Variants in CALN1 observed in about 807,000 individuals in gnomAD.
The protein encoded by CALN1 is calneuron 1.
Under a neutral mutation model 30.6 loss-of-function variants are expected in CALN1, and 17 were observed. The ratio of observed to expected loss-of-function variants is 0.56; its 90% CI spans 0.38 to 0.83. The LOEUF is 0.83. CALN1 is among the 40% of genes least tolerant of loss of function. CALN1 has a pLI of 0.00. For missense variants in CALN1, 291 were observed against 354.9 expected (o/e 0.82, Z 1.45); for synonymous variants, 156 against 131.4 (o/e 1.19, Z -1.28).
intron 2 of CALN1, among the ~76,000 whole-genome samples, chr7:72,317,054 G>A (rs1401869741): frequency 7.4e-6 from 1 of 135,316 alleles, no homozygotes; most frequent in African/African-American, 3.1e-5. Flanking sequence ...GAGAGAGAAA[G>A]AGAGAGAGAG....
At chr7:72,102,346 G>A (rs1463894828) in intron 4 of CALN1, among the ~76,000 whole-genome samples, 4 of 152,146 alleles carry the variant, frequency 2.6e-5, no homozygotes, top group Non-Finnish European at 5.9e-5. Context: ...TCAGGAGGCT[G>A]AGGCAGGAGA....
intron 3 of CALN1, among the ~76,000 whole-genome samples, chr7:72,217,107 G>T (rs1792882975): frequency 6.6e-6 from 1 of 152,128 alleles, no homozygotes; most frequent in Non-Finnish European, 1.5e-5. Flanking sequence ...TACAAGAAAG[G>T]ATTAAGAAAA....
intron 5 of CALN1, among the ~76,000 whole-genome samples, chr7:71,828,716 A>ATGTGTGTG (rs1369223481): frequency 7.6e-6 from 1 of 132,396 alleles, no homozygotes; most frequent in African/African-American, 3.9e-5. Context: ...ATATATATGT[A>ATGTGTGTG]TATGTGTGTG....
intron 4 of CALN1, among the ~76,000 whole-genome samples, chr7:72,099,082 C>T (rs961121299): frequency 6.6e-6 from 1 of 152,202 alleles, no homozygotes; most frequent in African/African-American, 2.4e-5. Context: ...GGTATGACCT[C>T]ACTGTCGGGC....
At chr7:71,811,371 C>T (rs1230703917) in intron 5 of CALN1, among the ~76,000 whole-genome samples, 1 of 152,076 alleles carries the variant, frequency 6.6e-6, no homozygotes, top group Non-Finnish European at 1.5e-5. Context: ...CTGCGCCTGT[C>T]TAACATTTAC....
intron 4 of CALN1, among the ~76,000 whole-genome samples, chr7:72,062,489 A>C (rs1475822090): frequency 1.4e-5 from 2 of 147,266 alleles, no homozygotes; most frequent in Admixed American, 1.4e-4. Context: ...TCAAGCCTGG[A>C]CGACAGAGTG....
At chr7:72,213,671 G>C (rs996152273) in intron 3 of CALN1, among the ~76,000 whole-genome samples, 5 of 152,150 alleles carry the variant, frequency 3.3e-5, no homozygotes, top group Non-Finnish European at 5.9e-5. Context: ...GATGGTATAG[G>C]GTTGAGTTGG....
intron 5 of CALN1, among the ~76,000 whole-genome samples, chr7:71,826,466 G>A (rs1168547307): frequency 6.6e-6 from 1 of 152,174 alleles, no homozygotes; most frequent in Non-Finnish European, 1.5e-5. Flanking sequence ...CATTCTGAGT[G>A]AAGCCAGGAA....
intron 1 of CALN1, among the ~76,000 whole-genome samples, 167 bp downstream of exon 1, chr7:72,411,891 T>C (rs1562958583): frequency 6.6e-6 from 1 of 152,180 alleles, no homozygotes; most frequent in Non-Finnish European, 1.5e-5. Context: ...GCAACTCTCT[T>C]TTAGAGAGGT....
At chr7:72,226,624 T>G (rs1793695563) in intron 3 of CALN1, among the ~76,000 whole-genome samples, 1 of 152,168 alleles carries the variant, frequency 6.6e-6, no homozygotes, top group African/African-American at 2.4e-5. Flanking sequence ...CAAACACATC[T>G]TCCTACACTG....
At chr7:71,892,842 C>A (rs1435283159) in intron 5 of CALN1, among the ~76,000 whole-genome samples, 2 of 151,984 alleles carry the variant, frequency 1.3e-5, no homozygotes, top group Non-Finnish European at 2.9e-5. Context: ...AAATAATTAA[C>A]AAAACAGCTA....
the CALN1 span, among the ~76,000 whole-genome samples, chr7:72,463,838 G>C: frequency 6.6e-6 from 1 of 152,066 alleles, no homozygotes; most frequent in East Asian, 1.9e-4. Context: ...GGAGATTACA[G>C]GCGTGAGCCA....
At chr7:72,411,809 A>AATAT (rs397820125) in intron 1 of CALN1, among the ~76,000 whole-genome samples, 1 of 152,138 alleles carries the variant, frequency 6.6e-6, no homozygotes, top group African/African-American at 2.4e-5. Context: ...TAAAGTAATA[A>AATAT]GAAAAGAACC....
chr7:72,347,400 G>A (rs1363165723), intron 2 of CALN1, among the ~76,000 whole-genome samples: 1 of 151,956 alleles, frequency 6.6e-6, no homozygotes, highest in Non-Finnish European at 1.5e-5. Flanking sequence ...CTGAGTAGCT[G>A]GGATTACAGG....
At chr7:72,207,610 C>A (rs1457594911) in intron 3 of CALN1, among the ~76,000 whole-genome samples, 1 of 145,614 alleles carries the variant, frequency 6.9e-6, no homozygotes, top group Non-Finnish European at 1.5e-5. Flanking sequence ...GCCACTGCAC[C>A]CATCCCGCTT....
the CALN1 span, among the ~76,000 whole-genome samples, chr7:72,466,428 T>C: frequency 6.6e-6 from 1 of 152,024 alleles, no homozygotes; most frequent in African/African-American, 2.4e-5. Context: ...TCATAAGGTA[T>C]TTACAACATA....
At chr7:72,405,242 T>C (rs892371957) in intron 1 of CALN1, among the ~76,000 whole-genome samples, 17 of 152,194 alleles carry the variant, frequency 1.1e-4, no homozygotes, top group African/African-American at 3.4e-4. Context: ...AAACAGCACA[T>C]GTGCAACGCA....
intron 3 of CALN1, among the ~76,000 whole-genome samples, chr7:72,142,895 C>T (rs772261707): frequency 1.3e-5 from 2 of 152,338 alleles, no homozygotes; most frequent in South Asian, 2.1e-4. Context: ...CAAACTCCAA[C>T]TGACCTGCAG....
intron 2 of CALN1, among the ~76,000 whole-genome samples, chr7:72,321,820 C>T (rs1800903083): frequency 6.6e-6 from 1 of 152,156 alleles, no homozygotes; most frequent in African/African-American, 2.4e-5. Flanking sequence ...TCTCTCTTGG[C>T]ATCTTCCTGC....
Sources: gnomAD v4.1 joint callset for allele counts (sites outside exome capture counted in the v4.1 genomes callset) on GRCh38, gnomAD v4.1.1 for gene constraint, MANE v1.5 for transcripts, NCBI Gene and HGNC (gene_info 2026-07-23, HGNC 2026-07-21) for gene names.